DCDC1: variants seen among roughly 807,000 people sequenced by gnomAD.
The protein encoded by DCDC1 is doublecortin domain containing 1.
Under a neutral mutation model 178.3 loss-of-function variants are expected in DCDC1, and 200 were observed. That is an observed-to-expected ratio of 1.12 (90% CI 1.00 to 1.26). DCDC1 has a LOEUF of 1.26. DCDC1 is among the 50% of genes most tolerant of loss of function. The probability of loss-of-function intolerance (pLI) is 0.00; values close to 1 mark genes in which losing one functional copy is unlikely to be tolerated. For missense variants in DCDC1, 1,983 were observed against 1,749.2 expected (o/e 1.13, Z -2.38); for synonymous variants, 690 against 604.8 (o/e 1.14, Z -2.07).
intron 21 of DCDC1, among the ~76,000 whole-genome samples, chr11:30,940,465 G>A (rs1240565708): frequency 3.3e-5 from 5 of 152,106 alleles, no homozygotes; most frequent in African/African-American, 4.8e-5. Context: ...AATGGGCCAG[G>A]GAAATAGATC....
chr11:31,155,889 C>G (rs1160253995), intron 9 of DCDC1: 1 of 152,112 alleles, frequency 6.6e-6, no homozygotes, highest in African/African-American at 2.4e-5. Context: ...CAATATAACC[C>G]TAAAAAAATC....
chr11:31,153,785 A>AAC (rs141063677), intron 9 of DCDC1, among the ~76,000 whole-genome samples: 5,266 of 132,650 alleles, frequency 0.04, 123 homozygotes, highest in African/African-American at 0.05. Flanking sequence ...TCAGTCTTAA[A>AAC]ACACACACAC....
At chr11:31,190,989 A>G (rs551975769) in intron 9 of DCDC1, among the ~76,000 whole-genome samples, 9 of 152,202 alleles carry the variant, frequency 5.9e-5, no homozygotes, top group African/African-American at 2.2e-4. Flanking sequence ...CTTTATATCA[A>G]TGGTGCAGTA....
At chr11:30,932,543 A>G (rs1293533763) in intron 21 of DCDC1, among the ~76,000 whole-genome samples, 1 of 152,176 alleles carries the variant, frequency 6.6e-6, no homozygotes, top group East Asian at 1.9e-4. Context: ...TCTAGGCATG[A>G]TATTATGCAC....
chr11:31,148,585 T>C (rs1003665281), intron 9 of DCDC1, among the ~76,000 whole-genome samples: 1 of 152,138 alleles, frequency 6.6e-6, no homozygotes, highest in Non-Finnish European at 1.5e-5. Context: ...TTTTTTGTCC[T>C]TTTAGACAAA....
intron 18 of DCDC1, among the ~76,000 whole-genome samples, chr11:31,065,447 G>A (rs528074526): frequency 6.6e-6 from 1 of 152,154 alleles, no homozygotes; most frequent in South Asian, 2.1e-4. Flanking sequence ...TAAATTTATT[G>A]AGTTATTTCT....
intron 20 of DCDC1, among the ~76,000 whole-genome samples, chr11:31,045,944 A>C (rs1478814309): frequency 6.6e-6 from 1 of 152,236 alleles, no homozygotes; most frequent in Non-Finnish European, 1.5e-5. Flanking sequence ...TACAATGTTA[A>C]GAAATTCACA....
chr11:30,903,067 A>G (rs1372645771), intron 32 of DCDC1, among the ~76,000 whole-genome samples: 1 of 152,088 alleles, frequency 6.6e-6, no homozygotes, highest in Non-Finnish European at 1.5e-5. Flanking sequence ...CTTCTCTTCT[A>G]ATAGTAGCAA....
chr11:31,321,516 C>T (rs866794202), intron 3 of DCDC1, among the ~76,000 whole-genome samples: 18 of 152,188 alleles, frequency 1.2e-4, no homozygotes, highest in Non-Finnish European at 2.1e-4. Context: ...CTTCGGCTCG[C>T]GCACGGTGCA....
At chr11:30,943,597 A>G (rs1158663262) in intron 21 of DCDC1, 1 of 443,114 alleles carries the variant, frequency 2.3e-6, no homozygotes, top group South Asian at 1.6e-5. Flanking sequence ...AGTGTTTAGA[A>G]GCACAATTTT....
intron 9 of DCDC1, among the ~76,000 whole-genome samples, chr11:31,214,644 C>G (rs1165847088): frequency 6.6e-6 from 1 of 152,098 alleles, no homozygotes; most frequent in African/African-American, 2.4e-5. Flanking sequence ...TGACAGGAAA[C>G]AGATGACTGA....
intron 7 of DCDC1, among the ~76,000 whole-genome samples, chr11:31,268,161 A>G (rs1945300088): frequency 6.6e-6 from 1 of 152,218 alleles, no homozygotes; most frequent in Non-Finnish European, 1.5e-5. Context: ...ATTTAAAAGT[A>G]TAATGATGTC....
chr11:31,094,747 G>A (rs1159852366), intron 15 of DCDC1, among the ~76,000 whole-genome samples: 1 of 152,120 alleles, frequency 6.6e-6, no homozygotes, highest in African/African-American at 2.4e-5. Flanking sequence ...AGTGTCAAGT[G>A]CAAAGCTATG....
At chr11:31,176,322 A>C (rs984725443) in intron 9 of DCDC1, among the ~76,000 whole-genome samples, 1 of 152,210 alleles carries the variant, frequency 6.6e-6, no homozygotes, top group African/African-American at 2.4e-5. Context: ...CTGAACTTGA[A>C]GACAGGTCTG....
intron 20 of DCDC1, among the ~76,000 whole-genome samples, chr11:31,003,356 C>T (rs1308834079): frequency 6.6e-6 from 1 of 152,094 alleles, no homozygotes; most frequent in Non-Finnish European, 1.5e-5. Context: ...AATACTTCTC[C>T]TGTTCATATT....
chr11:31,260,402 G>A (rs992488938), intron 8 of DCDC1, among the ~76,000 whole-genome samples: 1 of 152,148 alleles, frequency 6.6e-6, no homozygotes, highest in African/African-American at 2.4e-5. Flanking sequence ...GGAATTTTAT[G>A]ATGAAATATC....
intron 22 of DCDC1, among the ~76,000 whole-genome samples, chr11:30,925,797 T>TA (rs914979362): frequency 3.3e-5 from 5 of 152,180 alleles, no homozygotes; most frequent in African/African-American, 7.2e-5. Flanking sequence ...TTCTCCTACC[T>TA]AAAAAAATTT....
chr11:30,975,076 A>G (rs915972759), intron 20 of DCDC1, among the ~76,000 whole-genome samples: 1 of 152,150 alleles, frequency 6.6e-6, no homozygotes, highest in South Asian at 2.1e-4. Context: ...ACATGCACAA[A>G]TCAATAAATT....
intron 20 of DCDC1, among the ~76,000 whole-genome samples, chr11:31,015,628 C>T (rs1952444318): frequency 6.6e-6 from 1 of 152,140 alleles, no homozygotes; most frequent in African/African-American, 2.4e-5. Context: ...AAGATAACTG[C>T]TGAACATTTG....
Sources: gnomAD v4.1 joint callset for allele counts (sites outside exome capture counted in the v4.1 genomes callset) on GRCh38, gnomAD v4.1.1 for gene constraint, MANE v1.5 for transcripts, NCBI Gene and HGNC (gene_info 2026-07-23, HGNC 2026-07-21) for gene names.